BPTF: variants seen among roughly 807,000 people sequenced by gnomAD.
BPTF encodes bromodomain PHD finger transcription factor, also known as nucleosome-remodeling factor subunit BPTF.
In BPTF, 18 loss-of-function variants were observed where a neutral mutation model predicts 292.5. The ratio of observed to expected loss-of-function variants is 0.06; its 90% CI spans 0.04 to 0.09. The LOEUF (loss-of-function observed/expected upper bound fraction) is 0.09. Among genes scored for constraint, BPTF ranks in the 10% least tolerant of loss-of-function variants. BPTF has a pLI of 1.00. For synonymous variants in BPTF, 1,225 were observed against 1,251.9 expected (o/e 0.98, Z 0.45); for missense variants, 2,726 against 3,498.7 (o/e 0.78, Z 5.57).
intron 1 of BPTF, among the ~76,000 whole-genome samples, chr17:67,840,584 T>C (rs1325658352): frequency 6.6e-6 from 1 of 151,428 alleles, no homozygotes; most frequent in Non-Finnish European, 1.5e-5. Flanking sequence ...GACAGTTTCC[T>C]TCTTTCACCC....
At chr17:67,847,753 G>T (rs2058134554) in intron 1 of BPTF, among the ~76,000 whole-genome samples, 1 of 151,904 alleles carries the variant, frequency 6.6e-6, no homozygotes, top group African/African-American at 2.4e-5. Context: ...TGACACAGAA[G>T]ATAGGGATTG....
rs760843607 is a variant in BPTF at position 67,874,963 on chromosome 17, G to A, written c.1807G>A (p.Glu603Lys). 1 of 1,613,730 alleles carries A rather than the reference G, an allele frequency of 6.2e-7. No individual in the cohort carries two copies. Among genetic ancestry groups the A allele is most frequent in the South Asian group, 1.1e-5 (1 of 91,024 alleles). ...AGAAGAATTTGAAGACCAGTCCCTT[G>A]AAAAAGACAGTGACGACAAAACACC... Reference protein sequence around the residue: ...NREEFEDQSLEKDSDDKTPDD... With the variant: ...NREEFEDQSLKKDSDDKTPDD... The change falls in exon 4 of 28, where the codon GAA (glutamate) becomes AAA (lysine). Residue 603 changes from glutamate (E) to lysine (K), a missense_variant. Coordinates refer to ENST00000306378, the MANE Select transcript of BPTF (RefSeq NM_182641.4).
intron 24 of BPTF, chr17:67,963,602 T>C (rs1239415662): frequency 2.4e-6 from 3 of 1,227,466 alleles, no homozygotes; most frequent in Non-Finnish European, 1.0e-6. Flanking sequence ...CAGATTTTTT[T>C]CTACATTTAT....
chr17:67,959,978 ATTAAAT>A, intron 24 of BPTF, 103 bp downstream of exon 24: 4 of 905,946 alleles, frequency 4.4e-6, no homozygotes, highest in South Asian at 2.0e-5. Flanking sequence ...AAATGAAAAT[ATTAAAT>A]TTAAGAGTAA....
chr17:67,883,068 C>T (rs1324044674), intron 4 of BPTF, among the ~76,000 whole-genome samples: 1 of 150,836 alleles, frequency 6.6e-6, no homozygotes, highest in Non-Finnish European at 1.5e-5. Context: ...ATAATCCCAG[C>T]GCTTTGGGAG....
intron 1 of BPTF, among the ~76,000 whole-genome samples, chr17:67,839,407 T>G (rs777210854): frequency 5.9e-5 from 9 of 152,206 alleles, no homozygotes; most frequent in Non-Finnish European, 1.2e-4. Context: ...GATCATATAG[T>G]TTTTCTCCTG....
At chr17:67,978,825 G>A (rs1359081461) in intron 27 of BPTF, among the ~76,000 whole-genome samples, 1 of 152,078 alleles carries the variant, frequency 6.6e-6, no homozygotes, top group Non-Finnish European at 1.5e-5. Context: ...GCCAAAGAAC[G>A]TCAGGGATAA....
chr17:67,875,849 C>G, intron 4 of BPTF: 1 of 1,003,790 alleles, frequency 1.0e-6, no homozygotes, highest in Non-Finnish European at 1.3e-6. Flanking sequence ...TTCATTCATG[C>G]TGCTTGCTTA....
Position 67,851,919 on chromosome 17 carries a change from CTT to C in BPTF, c.614-2010_614-2009del, listed in dbSNP as rs34000805. ...CTTGCTAACTAGTGAGATTGGGGTCCTTTTTTTTTTTTAATGCAGGAAAATTA... is the reference window on the plus strand; with the variant it reads ...CTTGCTAACTAGTGAGATTGGGGTCCTTTTTTTTTTAATGCAGGAAAATTA... On this transcript the variant is annotated intron_variant, in intron 1 of 27. Transcript: ENST00000306378. Among the ~76,000 whole-genome samples, 101 of 141,898 alleles carry C rather than the reference CTT, an allele frequency of 7.1e-4. 1 individual carries two copies. The highest frequency in any genetic ancestry group is 1.2e-3 in the African/African-American group (46 of 39,202). 93.1% of individuals were successfully genotyped at this position (141,898 alleles called of 152,430 possible).
At chr17:67,915,439 A>G (rs563774074) in intron 11 of BPTF, among the ~76,000 whole-genome samples, 1 of 152,340 alleles carries the variant, frequency 6.6e-6, no homozygotes, top group Non-Finnish European at 1.5e-5. Context: ...CAACCCATCC[A>G]GTACTGGATA....
chr17:67,826,288 C>T lies in BPTF; in HGVS notation c.564C>T (p.Tyr188=), dbSNP rs1598053561. The part of the protein sequence containing the change: ...EMEDDDDDAS[Y]CTESSFRSHS... ...AAGACGACGACGACGACGCCAGTTACTGCACGGAAAGCAGCTTCAGGAGCC... is the reference window on the plus strand; with the variant it reads ...AAGACGACGACGACGACGCCAGTTATTGCACGGAAAGCAGCTTCAGGAGCC... The change falls in exon 1 of 28, where the codon TAC becomes TAT. Residue 188 remains tyrosine, a synonymous_variant. Transcript: ENST00000306378. 6.2e-7 allele frequency: 1 copy of T among 1,613,162 alleles called. No individual in the cohort carries two copies. The highest frequency in any genetic ancestry group is 1.1e-5 in the South Asian group (1 of 91,042).
chr17:67,911,052 A>G lies in BPTF; in HGVS notation c.3168A>G (p.Lys1056=), dbSNP rs1371029583. The part of the protein sequence containing the change: ...HLRTSYKKKT[K]SSKLDGLLER... The stretch of plus-strand genomic sequence containing the variant: ...GGACTAGTTACAAAAAGAAAACAAA[A>G]TCATCCAAACTAGATGGACTTCTTG... Residue 1056 remains lysine, a synonymous_variant, in exon 11 of 28, where the codon AAA becomes AAG. Coordinates refer to ENST00000306378, the MANE Select transcript of BPTF (RefSeq NM_182641.4). The G allele has an allele frequency of 6.2e-7, 1 of 1,614,142 alleles. No individual in the cohort carries two copies. The highest frequency in any genetic ancestry group is 2.2e-5 in the East Asian group (1 of 44,864).
Position 67,910,993 on chromosome 17 carries a change from G to A in BPTF, c.3109G>A (p.Asp1037Asn). 6.2e-7 allele frequency: 1 copy of A among 1,613,990 alleles called. No individual in the cohort carries two copies. The highest frequency in any genetic ancestry group is 8.5e-7 in the Non-Finnish European group (1 of 1,179,938). ...HVNCQESSQV[D>N]VVNVSEGFHL... ...AAATTGTCAGGAGAGTTCTCAAGTA[G>A]ATGTGGTCAATGTTAGTGAGGGTTT... The change falls in exon 11 of 28, where the codon GAT becomes AAT. Residue 1037 changes from aspartate to asparagine, a missense_variant. By Grantham distance (23) the Asp-to-Asn change is conservative. Around this residue, in one of 22 missense-constraint regions of BPTF, gnomAD observed 713 missense variants for 714.9 expected, o/e 1.00. Transcript: ENST00000306378.
intron 23 of BPTF, among the ~76,000 whole-genome samples, chr17:67,953,029 C>T (rs111335433): frequency 6.6e-5 from 10 of 152,148 alleles, no homozygotes; most frequent in African/African-American, 2.4e-4. Flanking sequence ...GGCACGATCT[C>T]GGCTCACTGC....
Position 67,894,108 on chromosome 17 carries a change from G to A in BPTF, c.2486G>A (p.Cys829Tyr), listed in dbSNP as rs1302229494. 6.2e-7 allele frequency: 1 copy of A among 1,614,150 alleles called. No homozygotes were observed. Reference protein sequence around the residue: ...EFALALAILECAVKPVVMLPI... With the variant: ...EFALALAILEYAVKPVVMLPI... The stretch of plus-strand genomic sequence containing the variant: ...GCATTGGCTTTAGCCATTTTGGAGT[G>A]TGCAGTTAAACCAGTTGTGATGCTA... The change falls in exon 7 of 28, where the codon TGT becomes TAT. Residue 829 changes from cysteine (C) to tyrosine (Y), a missense_variant. Around this residue, in one of 22 missense-constraint regions of BPTF, gnomAD observed 99 missense variants for 227.1 expected, o/e 0.44. Transcript: ENST00000306378.
chr17:67,891,925 G>A lies in BPTF; in HGVS notation c.1946G>A (p.Arg649Gln), dbSNP rs773926002. The A allele has an allele frequency of 1.3e-5, 21 of 1,612,784 alleles. No homozygotes were observed. Among genetic ancestry groups the A allele is most frequent in the Non-Finnish European group, 1.4e-5 (17 of 1,179,526 alleles). Residue 649 changes from arginine (R) to glutamine (Q), a missense_variant, in exon 5 of 28, where the codon CGA (arginine) becomes CAA (glutamine). Around this residue, in one of 22 missense-constraint regions of BPTF, gnomAD observed 187 missense variants for 201.5 expected, o/e 0.93. Coordinates refer to ENST00000306378, the MANE Select transcript of BPTF (RefSeq NM_182641.4). ...GGAAAAGGAGCATCTGGCTCAACTC[G>A]AATCATCACCAGATTGCGGAATCCA... Reference protein sequence around the residue: ...GAGKGASGSTRIITRLRNPDS... With the variant: ...GAGKGASGSTQIITRLRNPDS...
intron 9 of BPTF, among the ~76,000 whole-genome samples, chr17:67,905,967 T>G (rs1382430768): frequency 2.0e-5 from 3 of 151,964 alleles, no homozygotes; most frequent in Non-Finnish European, 4.4e-5. Context: ...AGTTAATGGG[T>G]GCAGCACACC....
chr17:67,947,976 G>T, intron 22 of BPTF, 105 bp from the exon 23 acceptor site: 1 of 1,307,390 alleles, frequency 7.6e-7, no homozygotes, highest in African/African-American at 1.5e-5. Context: ...ACGTTTTCCA[G>T]TCACAGAAAG....
rs548743190 is a variant in BPTF, at chr17:67,976,627, C to T, written c.8726+669C>T. On this transcript the variant is annotated intron_variant, in intron 27 of 27. Coordinates refer to ENST00000306378, the MANE Select transcript of BPTF (RefSeq NM_182641.4). ...CTTGTGCCCAGGAGTTCAAGGCTGCCGTGAGCTGTGATTACACCACTGCTC... is the reference window on the plus strand; with the variant it reads ...CTTGTGCCCAGGAGTTCAAGGCTGCTGTGAGCTGTGATTACACCACTGCTC... Among the ~76,000 whole-genome samples, 10 of 144,396 alleles carry T rather than the reference C, an allele frequency of 6.9e-5. No individual in the cohort carries two copies. In the East Asian group the frequency reaches 1.3e-3, roughly 18 times the overall value. 94.7% of individuals were successfully genotyped at this position (144,396 alleles called of 152,430 possible).
Sources: gnomAD v4.1 joint callset for allele counts (sites outside exome capture counted in the v4.1 genomes callset) on GRCh38, gnomAD v4.1.1 for gene constraint, gnomAD v4.1.1 regional missense constraint, MANE v1.5 for transcripts, NCBI Gene and HGNC (gene_info 2026-07-23, HGNC 2026-07-21) for gene names.